WWOX: variants seen among roughly 807,000 people sequenced by gnomAD.
WWOX encodes the protein WW domain-containing oxidoreductase.
Under a neutral mutation model 46.2 loss-of-function variants are expected in WWOX, and 69 were observed. That is an observed-to-expected ratio of 1.49 (90% confidence interval 1.23 to 1.82). The LOEUF is 1.82. Ranked by LOEUF, WWOX falls within the 40% of genes most tolerant of loss-of-function variation. The probability of loss-of-function intolerance (pLI) is 0.00; values close to 1 mark genes in which losing one functional copy is unlikely to be tolerated. For missense variants in WWOX, 919 were observed against 542.6 expected, an observed-to-expected ratio of 1.69 and a Z score of -6.89; for synonymous variants, 359 against 202.6, an observed-to-expected ratio of 1.77 and a Z score of -6.56.
chr16:79,045,780 C>CTTTTTTTT (rs770463813), intron 8 of WWOX, among the ~76,000 whole-genome samples: 17 of 54,232 alleles, frequency 3.1e-4, no homozygotes, highest in Non-Finnish European at 4.7e-4. Flanking sequence ...TTTTCTTTTC[C>CTTTTTTTT]TTTTTTTTTT....
At chr16:79,129,923 C>G (rs989563354) in intron 8 of WWOX, among the ~76,000 whole-genome samples, 2 of 152,200 alleles carry the variant, frequency 1.3e-5, no homozygotes, top group Non-Finnish European at 2.9e-5. Flanking sequence ...GCTGAGTCAT[C>G]TTTGGTAGGT....
chr16:78,182,801 A>C (rs755730159), intron 5 of WWOX, among the ~76,000 whole-genome samples: 1 of 151,966 alleles, frequency 6.6e-6, no homozygotes, highest in East Asian at 1.9e-4. Context: ...AAATACAAAA[A>C]TTAGCAGGGC....
chr16:79,127,025 AT>A (rs914542036), intron 8 of WWOX, among the ~76,000 whole-genome samples: 81 of 151,328 alleles, frequency 5.4e-4, no homozygotes, highest in Non-Finnish European at 1.0e-3. Context: ...CTTTAATTTT[AT>A]TTTTTTTTAA....
chr16:78,211,742 C>A (rs898401344), intron 5 of WWOX, among the ~76,000 whole-genome samples: 1 of 152,116 alleles, frequency 6.6e-6, no homozygotes, highest in Non-Finnish European at 1.5e-5. Flanking sequence ...GCAGTGGGAA[C>A]CTGGCTTTGC....
At chr16:78,890,759 C>T (rs16948763) in intron 8 of WWOX, 1 of 152,194 alleles carries the variant, frequency 6.6e-6, no homozygotes, top group African/African-American at 2.4e-5. Context: ...TGTTTTTTAT[C>T]TAAATGCCAG....
At position 78,676,138 on chromosome 16, in the gene WWOX, C is replaced by T. The variant is rs545752084; in HGVS notation, c.1056+243386C>T. 1.1e-4 allele frequency among the ~76,000 whole-genome samples: 17 copies of T among 151,934 alleles called. No homozygotes were observed. The South Asian group carries it at 3.5e-3, about 32-fold the overall frequency. ...ACAACCAGACAACCAGACTGAGAGC[C>T]CCCAAGGGTTCAAATTCCTGAGCGC... On this transcript the variant is annotated intron_variant, in intron 8 of 8. Coordinates refer to ENST00000566780, the MANE Select transcript of WWOX (RefSeq NM_016373.4).
intron 5 of WWOX, among the ~76,000 whole-genome samples, chr16:78,315,450 A>C (rs1389663080): frequency 6.6e-6 from 1 of 152,086 alleles, no homozygotes; most frequent in Non-Finnish European, 1.5e-5. Flanking sequence ...GGAGTTCGAG[A>C]CCAGCCCGGC....
At chr16:78,500,204 G>C (rs2085025624) in intron 8 of WWOX, among the ~76,000 whole-genome samples, 1 of 152,172 alleles carries the variant, frequency 6.6e-6, no homozygotes, top group Non-Finnish European at 1.5e-5. Context: ...TACTAATTGT[G>C]TGTGTGACTT....
At chr16:78,116,967 C>T (rs1597221354) in intron 4 of WWOX, among the ~76,000 whole-genome samples, 2 of 152,148 alleles carry the variant, frequency 1.3e-5, no homozygotes, top group Admixed American at 1.3e-4. Context: ...AACAGCAGAC[C>T]TGCGACATTG....
chr16:79,062,889 A>G lies in WWOX; in HGVS notation c.1057-148719A>G, dbSNP rs73570885. Among the ~76,000 whole-genome samples the G allele has an allele frequency of 1.5e-3, 222 of 152,316 alleles. 1 individual carries two copies. The highest frequency in any genetic ancestry group is 4.5e-3 in the African/African-American group (185 of 41,564). On this transcript the variant is annotated intron_variant, in intron 8 of 8. Transcript: ENST00000566780. ...TCTGTTTTAAGTCAACTTAGACTCA[A>G]TCCAGGAAAAAAAATAAATTTCTGG...
At chr16:78,987,736 G>T (rs2046809160) in intron 8 of WWOX, among the ~76,000 whole-genome samples, 1 of 152,164 alleles carries the variant, frequency 6.6e-6, no homozygotes, top group Non-Finnish European at 1.5e-5. Flanking sequence ...GTTGCGATAT[G>T]TCGGCCCAAA....
chr16:78,126,428 A>G (rs1159609509), intron 4 of WWOX, among the ~76,000 whole-genome samples: 1 of 152,208 alleles, frequency 6.6e-6, no homozygotes, highest in Non-Finnish European at 1.5e-5. Context: ...AAATTTGCCT[A>G]TCTCTGATGA....
At chr16:78,541,315 A>G (rs1224238481) in intron 8 of WWOX, among the ~76,000 whole-genome samples, 3 of 150,962 alleles carry the variant, frequency 2.0e-5, no homozygotes, top group Non-Finnish European at 1.5e-5. Context: ...TCTACTAAAA[A>G]TACAAAAAAT....
At chr16:78,561,835 G>T (rs1371134262) in intron 8 of WWOX, among the ~76,000 whole-genome samples, 3 of 152,146 alleles carry the variant, frequency 2.0e-5, no homozygotes, top group African/African-American at 4.8e-5. Flanking sequence ...AGGATCTTCA[G>T]TTACCAGCAG....
chr16:79,026,231 C>T (rs1396401745), intron 8 of WWOX, among the ~76,000 whole-genome samples: 3 of 151,768 alleles, frequency 2.0e-5, no homozygotes, highest in African/African-American at 7.3e-5. Context: ...GCCCTGTTGA[C>T]ACTTCCCTTC....
intron 8 of WWOX, among the ~76,000 whole-genome samples, chr16:78,449,890 G>A (rs974898200): frequency 6.0e-5 from 9 of 149,078 alleles, no homozygotes; most frequent in Non-Finnish European, 1.3e-4. Flanking sequence ...TAGCCAGAAA[G>A]CGTGAACTTT....
At chr16:78,662,504 C>T (rs1597410180) in intron 8 of WWOX, among the ~76,000 whole-genome samples, 2 of 152,258 alleles carry the variant, frequency 1.3e-5, no homozygotes, top group East Asian at 1.9e-4. Flanking sequence ...AGGTGCTCAT[C>T]CCGATACCAC....
chr16:78,336,537 A>T (rs1327130333), intron 5 of WWOX, among the ~76,000 whole-genome samples: 1 of 145,924 alleles, frequency 6.9e-6, no homozygotes, highest in Non-Finnish European at 1.5e-5. Context: ...CCTACAGTTG[A>T]CAGGCAGATA....
intron 8 of WWOX, among the ~76,000 whole-genome samples, chr16:78,509,556 C>T (rs536544903): frequency 5.0e-4 from 76 of 152,252 alleles, no homozygotes; most frequent in South Asian, 1.7e-3. Context: ...TGTGTCTATA[C>T]GGTGGAGTAT....
Sources: gnomAD v4.1 joint callset for allele counts (sites outside exome capture counted in the v4.1 genomes callset) on GRCh38, gnomAD v4.1.1 for gene constraint, MANE v1.5 for transcripts, NCBI Gene and HGNC (gene_info 2026-07-23, HGNC 2026-07-21) for gene names.